Variants in PCBP3 observed in about 807,000 individuals in gnomAD.
PCBP3 encodes poly(rC) binding protein 3.
PCBP3 carries 25 observed loss-of-function variants against 52.7 expected under a neutral mutation model. The observed-to-expected ratio is 0.47, with a 90% confidence interval of 0.35 to 0.66. The LOEUF (loss-of-function observed/expected upper bound fraction) is 0.66, where lower values mean the gene tolerates loss of function less well. Among genes scored for constraint, PCBP3 ranks in the 30% least tolerant of loss-of-function variants. PCBP3 has a pLI of 0.01. For synonymous variants in PCBP3, 162 were observed against 183.0 expected (o/e 0.89, Z 0.93); for missense variants, 391 against 490.3 (o/e 0.80, Z 1.91).
intron 1 of PCBP3, among the ~76,000 whole-genome samples, chr21:45,647,218 G>T (rs547869993): frequency 6.6e-6 from 1 of 152,290 alleles, no homozygotes; most frequent in South Asian, 2.1e-4. Context: ...CTTAACCCAG[G>T]TTACTCTTTG....
chr21:45,763,942 A>G (rs1478976818), intron 4 of PCBP3, among the ~76,000 whole-genome samples: 3 of 152,254 alleles, frequency 2.0e-5, no homozygotes, highest in Non-Finnish European at 4.4e-5. Flanking sequence ...GCATTAAACA[A>G]TTAAATGAGC....
At position 45,900,752 on chromosome 21, in the gene PCBP3, G is replaced by A. The variant is rs1316357362; in HGVS notation, c.222+129G>A. The A allele has an allele frequency of 4.0e-5, 31 of 777,520 alleles. No individual in the cohort carries two copies. In the Admixed American group the frequency reaches 6.4e-4, roughly 16 times the overall value. 48.2% of individuals were successfully genotyped at this position (777,520 alleles called of 1,614,324 possible). A position where few individuals can be genotyped will look rare whatever the true frequency, so the allele number is the denominator to read the frequency against. ...CGGGGTGTGTGGGGAGTGCAGTGCG[G>A]GGCCTCTTTTCCCCTACTCAGGCCT... On this transcript the variant is annotated intron_variant, in intron 8 of 17. Transcript: ENST00000681687.
intron 5 of PCBP3, chr21:45,870,952 A>G: frequency 6.4e-6 from 1 of 156,818 alleles, no homozygotes. Flanking sequence ...ACCCCTCATG[A>G]GACCAGCCAG....
At chr21:45,772,459 C>G (rs1032715732) in intron 4 of PCBP3, among the ~76,000 whole-genome samples, 2 of 152,156 alleles carry the variant, frequency 1.3e-5, no homozygotes, top group African/African-American at 4.8e-5. Flanking sequence ...TCTATCCATT[C>G]ACCCTTTGAT....
chr21:45,885,266 G>A (rs541455286), intron 5 of PCBP3, among the ~76,000 whole-genome samples: 1 of 152,112 alleles, frequency 6.6e-6, no homozygotes, highest in Admixed American at 6.5e-5. Context: ...GCCATCCATT[G>A]TCTCCCTCCT....
intron 2 of PCBP3, among the ~76,000 whole-genome samples, chr21:45,688,596 ATAAAT>A (rs1183591782): frequency 2.0e-5 from 3 of 152,164 alleles, no homozygotes; most frequent in Admixed American, 2.0e-4. Context: ...TATATCCAAA[ATAAAT>A]AGGAAGAAAA....
intron 2 of PCBP3, among the ~76,000 whole-genome samples, chr21:45,669,803 G>GTATACATA (rs1394969213): frequency 3.1e-4 from 17 of 54,404 alleles, no homozygotes; most frequent in Admixed American, 2.1e-3. Flanking sequence ...GTGTGTGTGT[G>GTATACATA]TGTATATATA....
Position 45,900,277 on chromosome 21 carries a change from C to T in PCBP3, c.190-314C>T, listed in dbSNP as rs145727353. 7.3e-3 allele frequency among the ~76,000 whole-genome samples: 1,109 copies of T among 152,344 alleles called. 5 individuals are homozygous for T. The highest frequency in any genetic ancestry group is 0.016 in the African/African-American group (679 of 41,586). On this transcript the variant is annotated intron_variant, in intron 7 of 17. Transcript: ENST00000681687. ...CGGCAATGCGGGGCGCCTGAGGGCA[C>T]GCACACTGCCATGTGCCATGAGTGA...
intron 4 of PCBP3, among the ~76,000 whole-genome samples, chr21:45,835,138 A>C (rs1216163319): frequency 6.6e-6 from 1 of 152,198 alleles, no homozygotes; most frequent in Admixed American, 6.5e-5. Context: ...AGTTAGGTAC[A>C]TCTTTTCCTG....
chr21:45,685,268 T>C (rs1014616620), intron 2 of PCBP3, among the ~76,000 whole-genome samples: 2 of 152,166 alleles, frequency 1.3e-5, no homozygotes, highest in African/African-American at 4.8e-5. Flanking sequence ...GGAATTATTG[T>C]TTAATGGATA....
At chr21:45,889,837 C>G (rs1317465015) in intron 5 of PCBP3, among the ~76,000 whole-genome samples, 1 of 152,238 alleles carries the variant, frequency 6.6e-6, no homozygotes, top group African/African-American at 2.4e-5. Context: ...CCTGCAGCTT[C>G]TGATCCCCCC....
intron 4 of PCBP3, among the ~76,000 whole-genome samples, chr21:45,834,805 A>T (rs182091355): frequency 6.6e-6 from 1 of 152,386 alleles, no homozygotes; most frequent in East Asian, 1.9e-4. Context: ...GGAGAGCAGC[A>T]GGTGAGTTCC....
chr21:45,731,408 C>T (rs1046288737), intron 2 of PCBP3, among the ~76,000 whole-genome samples: 3 of 152,198 alleles, frequency 2.0e-5, no homozygotes, highest in Non-Finnish European at 4.4e-5. Flanking sequence ...AGTTGTCAGT[C>T]ATGCTTCTAC....
intron 5 of PCBP3, among the ~76,000 whole-genome samples, chr21:45,855,825 A>T (rs1368414719): frequency 6.6e-6 from 1 of 152,234 alleles, no homozygotes; most frequent in Non-Finnish European, 1.5e-5. Flanking sequence ...ACCTCCTGCC[A>T]GGGAAGTTGC....
At chr21:45,690,317 C>A (rs933442065) in intron 2 of PCBP3, among the ~76,000 whole-genome samples, 3 of 151,896 alleles carry the variant, frequency 2.0e-5, no homozygotes, top group African/African-American at 7.3e-5. Context: ...ACACTGTATT[C>A]AAAATTAACC....
In PCBP3 at chr21:45,902,868, G is replaced by A. The variant is rs558000874; in HGVS notation, c.339+1755G>A. Among the ~76,000 whole-genome samples, 197 of 152,356 alleles carry A rather than the reference G, an allele frequency of 1.3e-3. 1 individual carries two copies. The highest frequency in any genetic ancestry group is 1.5e-3 in the Non-Finnish European group (100 of 68,042). On this transcript the variant is annotated intron_variant, in intron 9 of 17. Coordinates refer to ENST00000681687, the MANE Select transcript of PCBP3 (RefSeq NM_001384156.1). ...AACACGTCTTCCACCCAGGGCAGGCGGTGTCCCGAATAACTTCTGCTGGAG... is the reference window on the plus strand; with the variant it reads ...AACACGTCTTCCACCCAGGGCAGGCAGTGTCCCGAATAACTTCTGCTGGAG...
intron 3 of PCBP3, among the ~76,000 whole-genome samples, chr21:45,751,980 C>T (rs2087555731): frequency 6.6e-6 from 1 of 151,772 alleles, no homozygotes; most frequent in Non-Finnish European, 1.5e-5. Flanking sequence ...TCTTTTTTGT[C>T]CCCTCAATTT....
intron 2 of PCBP3, among the ~76,000 whole-genome samples, chr21:45,669,787 TTGTGTG>T (rs1224298314): frequency 0.042 from 3,274 of 78,604 alleles, 203 homozygotes; most frequent in African/African-American, 0.084. Context: ...TAATATTCCA[TTGTGTG>T]TGTGTGTGTG....
chr21:45,925,036 G>A (rs1351295655), intron 13 of PCBP3, among the ~76,000 whole-genome samples: 1 of 93,804 alleles, frequency 1.1e-5, no homozygotes, highest in Non-Finnish European at 2.2e-5. Context: ...GGGAACAGTC[G>A]AGTGGGTAGA....
Sources: allele counts gnomAD v4.1 joint callset (sites outside exome capture counted in the v4.1 genomes callset), GRCh38; gene constraint gnomAD v4.1.1; transcripts MANE v1.5; gene names NCBI Gene and HGNC (gene_info 2026-07-23, HGNC 2026-07-21).